The following SCHIP1 variants were observed in gnomAD, a reference collection of about 807,000 sequenced individuals.
SCHIP1 encodes schwannomin-interacting protein 1.
A neutral mutation model predicts 29.7 loss-of-function variants in SCHIP1; 8 were observed. The observed-to-expected ratio is 0.27, with a 90% CI of 0.16 to 0.49. SCHIP1 has a LOEUF of 0.49. Ranked by LOEUF, SCHIP1 falls within the 20% of genes least tolerant of loss-of-function variation. The pLI is 0.99. For missense variants in SCHIP1, 193 were observed against 294.6 expected (o/e 0.66, Z 2.52); for synonymous variants, 76 against 94.9 (o/e 0.80, Z 1.16).
the SCHIP1 span, among the ~76,000 whole-genome samples, chr3:159,455,809 G>A: frequency 3.8e-4 from 58 of 152,304 alleles, no homozygotes; most frequent in South Asian, 6.6e-3. Context: ...CAAAGAAGAA[G>A]GTTTGGTGAG....
At chr3:159,534,479 A>C in the SCHIP1 span, among the ~76,000 whole-genome samples, 1 of 152,150 alleles carries the variant, frequency 6.6e-6, no homozygotes, top group African/African-American at 2.4e-5. Context: ...GGAGCTGATG[A>C]TTCCATGCAT....
chr3:159,274,333 A>G, the SCHIP1 span: 1 of 981,512 alleles, frequency 1.0e-6, no homozygotes, highest in Non-Finnish European at 1.2e-6. Flanking sequence ...CAGTTACCAA[A>G]AGAACAAATG....
the SCHIP1 span, among the ~76,000 whole-genome samples, chr3:159,536,704 A>T: frequency 6.6e-6 from 1 of 152,286 alleles, no homozygotes. Flanking sequence ...AAGGGAAAGA[A>T]GACAAAATAG....
the SCHIP1 span, among the ~76,000 whole-genome samples, chr3:159,615,520 T>C: frequency 1.3e-5 from 2 of 152,156 alleles, no homozygotes; most frequent in East Asian, 1.9e-4. Flanking sequence ...GGCACCTTTA[T>C]GGGATTTAGA....
At chr3:159,606,669 G>A in the SCHIP1 span, among the ~76,000 whole-genome samples, 54 of 152,182 alleles carry the variant, frequency 3.5e-4, no homozygotes, top group Non-Finnish European at 6.0e-4. Flanking sequence ...AGGCCTGAGG[G>A]ACTCGAGGAG....
chr3:159,302,917 G>A, the SCHIP1 span, among the ~76,000 whole-genome samples: 1 of 152,156 alleles, frequency 6.6e-6, no homozygotes, highest in Non-Finnish European at 1.5e-5. Context: ...CACTTTCATT[G>A]TGGCTAGGAA....
chr3:159,464,723 C>T, the SCHIP1 span, among the ~76,000 whole-genome samples: 2 of 152,124 alleles, frequency 1.3e-5, no homozygotes, highest in Non-Finnish European at 2.9e-5. Flanking sequence ...GAGCTTGAAT[C>T]AATTGAATGA....
At chr3:159,397,980 C>T in the SCHIP1 span, among the ~76,000 whole-genome samples, 27 of 152,302 alleles carry the variant, frequency 1.8e-4, no homozygotes, top group African/African-American at 6.5e-4. Flanking sequence ...CAGCGAGACT[C>T]CGTGGGTGCA....
At chr3:159,570,457 A>T in the SCHIP1 span, among the ~76,000 whole-genome samples, 3 of 152,048 alleles carry the variant, frequency 2.0e-5, no homozygotes, top group African/African-American at 7.2e-5. Context: ...ATGGTTGTAG[A>T]TGTGTGGTGT....
the SCHIP1 span, among the ~76,000 whole-genome samples, chr3:159,736,955 C>T: frequency 0.014 from 2,071 of 152,104 alleles, 46 homozygotes; most frequent in African/African-American, 0.048. Context: ...AGGATGGTCT[C>T]TATCTCCTGA....
chr3:159,572,423 G>A, the SCHIP1 span, among the ~76,000 whole-genome samples: 4 of 152,190 alleles, frequency 2.6e-5, no homozygotes, highest in African/African-American at 7.2e-5. Flanking sequence ...CCATGTAGTT[G>A]TGTAGTTTTG....
the SCHIP1 span, among the ~76,000 whole-genome samples, chr3:159,396,941 A>T: frequency 2.7e-5 from 4 of 146,166 alleles, no homozygotes; most frequent in Non-Finnish European, 6.1e-5. Context: ...CATTCTCCCC[A>T]TCACTTTCAG....
chr3:159,566,775 G>A, the SCHIP1 span, among the ~76,000 whole-genome samples: 565 of 152,246 alleles, frequency 3.7e-3, 5 homozygotes, highest in African/African-American at 0.013. Flanking sequence ...ACGGCATCAG[G>A]GAGGTAACCA....
At chr3:159,815,972 A>G in the SCHIP1 span, among the ~76,000 whole-genome samples, 1,004 of 42,722 alleles carry the variant, frequency 0.024, 21 homozygotes, top group African/African-American at 0.09. Flanking sequence ...TATTTGAGAC[A>G]GCATCTCTCT....
intron 6 of SCHIP1, among the ~76,000 whole-genome samples, chr3:159,896,244 C>T (rs1319894410): frequency 6.6e-6 from 1 of 152,184 alleles, no homozygotes; most frequent in East Asian, 1.9e-4. Flanking sequence ...CACTCAGTTA[C>T]TCTTATCATA....
the SCHIP1 span, among the ~76,000 whole-genome samples, chr3:159,594,421 G>A: frequency 2.6e-5 from 4 of 152,164 alleles, no homozygotes; most frequent in African/African-American, 9.7e-5. Context: ...GTCAATTGAA[G>A]GAAGTTAGTA....
the SCHIP1 span, among the ~76,000 whole-genome samples, chr3:159,805,095 G>A: frequency 6.6e-6 from 1 of 152,292 alleles, no homozygotes; most frequent in South Asian, 2.1e-4. Context: ...ATGGGATAAT[G>A]AGCCACAAGC....
At chr3:159,574,280 C>A in the SCHIP1 span, among the ~76,000 whole-genome samples, 2 of 152,146 alleles carry the variant, frequency 1.3e-5, no homozygotes, top group African/African-American at 4.8e-5. Flanking sequence ...TGTTGGTGAC[C>A]CACAGATGGG....
the SCHIP1 span, among the ~76,000 whole-genome samples, chr3:159,369,688 C>A: frequency 6.6e-6 from 1 of 152,068 alleles, no homozygotes; most frequent in Non-Finnish European, 1.5e-5. Context: ...AATAACCACC[C>A]AAGGGCAGCC....
Sources: allele counts gnomAD v4.1 joint callset (sites outside exome capture counted in the v4.1 genomes callset), GRCh38; gene constraint gnomAD v4.1.1; transcripts MANE v1.5; gene names NCBI Gene and HGNC (gene_info 2026-07-23, HGNC 2026-07-21).